Variants in KDM4C observed in about 807,000 individuals in gnomAD.
KDM4C encodes lysine demethylase 4C.
KDM4C carries 81 observed loss-of-function variants against 129.3 expected under a neutral mutation model. The observed-to-expected ratio is 0.63, with a 90% confidence interval of 0.52 to 0.75. KDM4C has a LOEUF of 0.75. Among genes scored for constraint, KDM4C ranks in the 30% least tolerant of loss-of-function variants. KDM4C has a pLI of 0.00. For missense variants in KDM4C, 1,457 were observed against 1,304.0 expected, an observed-to-expected ratio of 1.12 and a Z score of -1.81; for synonymous variants, 573 against 456.1, an observed-to-expected ratio of 1.26 and a Z score of -3.26.
intron 17 of KDM4C, among the ~76,000 whole-genome samples, chr9:7,083,858 T>C (rs745924799): frequency 2.6e-5 from 4 of 152,156 alleles, no homozygotes; most frequent in Non-Finnish European, 5.9e-5. Flanking sequence ...ACTGTAACTC[T>C]GTGAGAATTT....
chr9:7,168,361 C>T (rs775154394), intron 20 of KDM4C, among the ~76,000 whole-genome samples: 3 of 151,874 alleles, frequency 2.0e-5, no homozygotes, highest in African/African-American at 7.3e-5. Flanking sequence ...TCAAAAATAC[C>T]ATGTGGTTCA....
chr9:6,825,822 C>G (rs901411029), intron 4 of KDM4C, among the ~76,000 whole-genome samples: 11 of 152,042 alleles, frequency 7.2e-5, no homozygotes, highest in Non-Finnish European at 1.6e-4. Context: ...ATTTCTCTGT[C>G]TCTCTTAAGA....
At chr9:6,918,669 C>T (rs1190760051) in intron 8 of KDM4C, among the ~76,000 whole-genome samples, 1 of 152,180 alleles carries the variant, frequency 6.6e-6, no homozygotes, top group African/African-American at 2.4e-5. Flanking sequence ...TCTACAGCCT[C>T]ACTAGCATGT....
intron 17 of KDM4C, among the ~76,000 whole-genome samples, chr9:7,100,970 C>T (rs183647237): frequency 3.9e-5 from 6 of 152,204 alleles, no homozygotes; most frequent in African/African-American, 1.4e-4. Flanking sequence ...CTAGGAATTC[C>T]ATACATGTTC....
chr9:7,098,514 C>G (rs1564114483), intron 17 of KDM4C, among the ~76,000 whole-genome samples: 1 of 152,176 alleles, frequency 6.6e-6, no homozygotes, highest in Non-Finnish European at 1.5e-5. Context: ...CATGTTATGA[C>G]CAGTTGCCCA....
chr9:6,829,587 C>G lies in KDM4C; in HGVS notation c.435+14842C>G, dbSNP rs1215358897. Among the ~76,000 whole-genome samples the G allele has an allele frequency of 9.2e-5, 14 of 152,330 alleles. No homozygotes were observed. In the East Asian group the frequency reaches 2.7e-3, roughly 29 times the overall value. ...CTCAGACTGAATGTTAGGGTTTATC[C>G]TAGATGACTCCTACTTAGTGGCAGA... On this transcript the variant is annotated intron_variant, in intron 4 of 21. Transcript: ENST00000381309.
At chr9:6,723,486 G>T (rs751149298) in intron 1 of KDM4C, 1 of 152,100 alleles carries the variant, frequency 6.6e-6, no homozygotes, top group African/African-American at 2.4e-5. Context: ...TCACACCCCC[G>T]ATCTCTTCCT....
chr9:6,822,632 G>GA (rs1285302790), intron 4 of KDM4C, among the ~76,000 whole-genome samples: 1 of 152,190 alleles, frequency 6.6e-6, no homozygotes. Context: ...GTCTGCCGAT[G>GA]AAGTTTTAAT....
chr9:6,743,393 G>A (rs1817768328), intron 1 of KDM4C, among the ~76,000 whole-genome samples: 1 of 152,136 alleles, frequency 6.6e-6, no homozygotes, highest in Admixed American at 6.6e-5. Context: ...CTGAGTTAAT[G>A]AGCAACAAGG....
intron 15 of KDM4C, among the ~76,000 whole-genome samples, chr9:7,017,776 T>G (rs957409613): frequency 4.6e-5 from 7 of 152,158 alleles, no homozygotes; most frequent in Non-Finnish European, 1.0e-4. Flanking sequence ...TACACTTCCT[T>G]GCAACTGAAG....
chr9:7,111,700 T>C (rs763488240), intron 18 of KDM4C, among the ~76,000 whole-genome samples: 4 of 152,014 alleles, frequency 2.6e-5, no homozygotes. Flanking sequence ...ACATGTCAGG[T>C]TTACGGGGGA....
chr9:7,004,898 C>T (rs1342707777), intron 12 of KDM4C, among the ~76,000 whole-genome samples: 1 of 152,118 alleles, frequency 6.6e-6, no homozygotes, highest in Non-Finnish European at 1.5e-5. Context: ...TCCTGCAGAC[C>T]CTGACCCAAT....
At chr9:7,046,807 A>T in intron 15 of KDM4C, 55 bp from the exon 16 acceptor site, 2 of 1,138,588 alleles carry the variant, frequency 1.8e-6, no homozygotes, top group Non-Finnish European at 2.7e-6. Flanking sequence ...GATGAATGGT[A>T]ATGACTTTTG....
intron 1 of KDM4C, among the ~76,000 whole-genome samples, chr9:6,780,540 G>A (rs1358850922): frequency 6.6e-6 from 1 of 151,810 alleles, no homozygotes; most frequent in Non-Finnish European, 1.5e-5. Flanking sequence ...GCCAAGGCAG[G>A]CAGATCTCTT....
At chr9:6,836,270 G>A (rs867522211) in intron 4 of KDM4C, among the ~76,000 whole-genome samples, 7 of 152,098 alleles carry the variant, frequency 4.6e-5, no homozygotes, top group East Asian at 1.9e-4. Context: ...TGGCCAACAC[G>A]GTGAAAGCTC....
At chr9:6,834,836 A>G (rs1564121838) in intron 4 of KDM4C, 1 of 1,381,990 alleles carries the variant, frequency 7.2e-7, no homozygotes, top group Non-Finnish European at 1.0e-6. Context: ...TGAGACCTTC[A>G]TCACCCCAGC....
At chr9:6,948,721 C>T (rs1161169030) in intron 8 of KDM4C, among the ~76,000 whole-genome samples, 1 of 151,970 alleles carries the variant, frequency 6.6e-6, no homozygotes, top group Non-Finnish European at 1.5e-5. Context: ...ATCTTTTTAA[C>T]AAAGCACATC....
At chr9:6,924,451 G>T (rs553303864) in intron 8 of KDM4C, among the ~76,000 whole-genome samples, 1 of 152,158 alleles carries the variant, frequency 6.6e-6, no homozygotes, top group Non-Finnish European at 1.5e-5. Flanking sequence ...GGGCTGCAGC[G>T]CTCTGTTGGA....
intron 4 of KDM4C, among the ~76,000 whole-genome samples, chr9:6,842,805 T>G (rs1837207861): frequency 6.6e-6 from 1 of 152,228 alleles, no homozygotes; most frequent in South Asian, 2.1e-4. Flanking sequence ...CCCACGTTTT[T>G]TGACATATAC....
Sources: allele counts gnomAD v4.1 joint callset (sites outside exome capture counted in the v4.1 genomes callset), GRCh38; gene constraint gnomAD v4.1.1; transcripts MANE v1.5; gene names NCBI Gene and HGNC (gene_info 2026-07-23, HGNC 2026-07-21).